Variants in IFT140 observed in about 807,000 individuals in gnomAD.
IFT140 encodes intraflagellar transport 140.
A neutral mutation model predicts 164.6 loss-of-function variants in IFT140; 133 were observed. The ratio of observed to expected loss-of-function variants is 0.81; its 90% CI spans 0.70 to 0.93. The LOEUF (loss-of-function observed/expected upper bound fraction) is 0.93, where lower values mean the gene tolerates loss of function less well. IFT140 is among the 40% of genes least tolerant of loss of function. IFT140 has a pLI of 0.00. For missense variants in IFT140, 2,045 were observed against 1,972.3 expected (o/e 1.04, Z -0.70); for synonymous variants, 860 against 817.3 (o/e 1.05, Z -0.89).
At position 1,527,815 on chromosome 16, in the gene IFT140, C is replaced by T. The variant is rs568495078; in HGVS notation, c.2400-1019G>A. ...CTCGAACTTCTGAGCTCAAGTGATC[C>T]ACCTGCCTTGGCCTCCCACACTGCT... On this transcript the variant is annotated intron_variant, in intron 19 of 30. Transcript: ENST00000426508. Among the ~76,000 whole-genome samples the T allele has an allele frequency of 4.8e-3, 731 of 152,336 alleles. 6 individuals carry two copies. Among genetic ancestry groups the T allele is most frequent in the African/African-American group, 0.016 (678 of 41,580 alleles).
At chr16:1,585,567 T>C (rs527361111) in intron 10 of IFT140, among the ~76,000 whole-genome samples, 2 of 152,198 alleles carry the variant, frequency 1.3e-5, no homozygotes, top group Non-Finnish European at 2.9e-5. Flanking sequence ...CTCTTTTTCA[T>C]ACAGATAGAG....
chr16:1,585,889 G>A (rs1283109848), intron 10 of IFT140, among the ~76,000 whole-genome samples: 2 of 150,588 alleles, frequency 1.3e-5, no homozygotes, highest in Non-Finnish European at 2.9e-5. Context: ...TCCTGCCGCA[G>A]CCTCCTGAGT....
At chr16:1,597,039 G>A (rs1596449591) in intron 4 of IFT140, among the ~76,000 whole-genome samples, 1 of 152,214 alleles carries the variant, frequency 6.6e-6, no homozygotes, top group Non-Finnish European at 1.5e-5. Flanking sequence ...GCGTGCGCTG[G>A]ATGAGCGTCT....
At chr16:1,591,586 G>A (rs1432788793) in intron 6 of IFT140, among the ~76,000 whole-genome samples, 1 of 152,168 alleles carries the variant, frequency 6.6e-6, no homozygotes, top group Admixed American at 6.5e-5. Context: ...GTGTCACATG[G>A]CTGTAAGAGA....
In IFT140 at chr16:1,531,797, A is replaced by C. The variant is rs1292715076; in HGVS notation, c.2400-5001T>G. On this transcript the variant is annotated intron_variant, in intron 19 of 30. Transcript: ENST00000426508. This position sits in a 1 kb window ranked among gnomAD's most constrained non-coding sequence, Gnocchi z 4.7. ...CCGATGCTGGCCTCTGCGAACCAGG[A>C]CTTCTGGGGGTGCTGCCGCTGTGTA... 6.6e-6 allele frequency: 1 copy of C among 152,104 alleles called. No homozygotes were observed. Among genetic ancestry groups the C allele is most frequent in the African/African-American group, 2.4e-5 (1 of 41,370 alleles). The allele number at this position is 152,104 out of a possible 1,614,324, so 9.4% of individuals were successfully genotyped here. A position where few individuals can be genotyped will look rare whatever the true frequency, so the allele number is the denominator to read the frequency against.
chr16:1,536,245 G>A (rs1424655101), intron 19 of IFT140, among the ~76,000 whole-genome samples: 2 of 152,204 alleles, frequency 1.3e-5, no homozygotes, highest in African/African-American at 2.4e-5. Context: ...TACCTCTTGC[G>A]TTCCTCCAGT....
intron 25 of IFT140, 62 bp from the exon 26 acceptor site, chr16:1,523,762 C>T (rs2040591776): frequency 1.4e-5 from 22 of 1,605,828 alleles, no homozygotes; most frequent in Non-Finnish European, 1.2e-5. Context: ...ACGGAGGCCT[C>T]GCACAGGCAA....
chr16:1,518,080 C>T, intron 30 of IFT140, 136 bp downstream of exon 30: 2 of 804,892 alleles, frequency 2.5e-6, no homozygotes, highest in Non-Finnish European at 3.8e-6. Context: ...TCAAGTCATT[C>T]TCCTGCCTCA....
At chr16:1,540,889 A>G (rs1454135577) in intron 19 of IFT140, 1 of 985,336 alleles carries the variant, frequency 1.0e-6, no homozygotes, top group Non-Finnish European at 1.2e-6. Context: ...CTTCACATGC[A>G]GTCCCTGACT....
At chr16:1,597,424 G>C (rs2035521276) in intron 4 of IFT140, among the ~76,000 whole-genome samples, 4 of 152,170 alleles carry the variant, frequency 2.6e-5, no homozygotes, top group Admixed American at 2.6e-4. Flanking sequence ...TCCTAACCTG[G>C]CCGTGCTCTC....
chr16:1,580,474 C>A (rs2034498738), intron 13 of IFT140: 1 of 311,756 alleles, frequency 3.2e-6, no homozygotes, highest in South Asian at 3.6e-5. Flanking sequence ...TTCGCTCTCT[C>A]TTCCTCCTGC....
At chr16:1,537,492 C>T (rs968983298) in intron 19 of IFT140, among the ~76,000 whole-genome samples, 9 of 152,358 alleles carry the variant, frequency 5.9e-5, no homozygotes, top group South Asian at 4.1e-4. Context: ...CAGAGGAGCC[C>T]GGTCTCGACT....
chr16:1,556,961 C>T (rs1285462158), intron 19 of IFT140, among the ~76,000 whole-genome samples: 2 of 152,070 alleles, frequency 1.3e-5, no homozygotes, highest in African/African-American at 4.8e-5. Context: ...AGGAACGCAC[C>T]ACAACTGCCT....
At chr16:1,552,383 G>A (rs1407544685) in intron 19 of IFT140, among the ~76,000 whole-genome samples, 1 of 151,690 alleles carries the variant, frequency 6.6e-6, no homozygotes, top group Non-Finnish European at 1.5e-5. Context: ...TGAGCTCTCC[G>A]CTGTGCCTGC....
intron 13 of IFT140, 29 bp from the exon 14 acceptor site, chr16:1,571,563 A>G: frequency 6.2e-7 from 1 of 1,600,092 alleles, no homozygotes; most frequent in Non-Finnish European, 8.5e-7. Context: ...AAATGGATAT[A>G]TTTCATGTTA....
chr16:1,513,818 C>CAT (rs1375610706), intron 30 of IFT140, among the ~76,000 whole-genome samples: 4 of 149,692 alleles, frequency 2.7e-5, no homozygotes, highest in Admixed American at 2.0e-4. Flanking sequence ...GGACTACAGG[C>CAT]GCCCACCACC....
intron 2 of IFT140, among the ~76,000 whole-genome samples, chr16:1,608,573 C>T (rs1229684758): frequency 7.5e-6 from 1 of 133,244 alleles, no homozygotes; most frequent in African/African-American, 2.8e-5. Context: ...GCAGAGGTTG[C>T]GGTAAGCTGA....
chr16:1,596,650 G>C (rs2035479558), intron 4 of IFT140, among the ~76,000 whole-genome samples: 1 of 152,188 alleles, frequency 6.6e-6, no homozygotes. Context: ...CAGGGGAAAG[G>C]AAATCACAGG....
At chr16:1,592,633 AGCG>A in intron 4 of IFT140, 45 bp from the exon 5 acceptor site, 2 of 1,582,300 alleles carry the variant, frequency 1.3e-6, no homozygotes, top group South Asian at 1.1e-5. Flanking sequence ...GTCCCGGCAG[AGCG>A]ACTGGTGGAG....
Sources: gnomAD v4.1 joint callset for allele counts (sites outside exome capture counted in the v4.1 genomes callset) on GRCh38, gnomAD v4.1.1 for gene constraint, Gnocchi (gnomAD v3.1) non-coding constraint, MANE v1.5 for transcripts, NCBI Gene and HGNC (gene_info 2026-07-23, HGNC 2026-07-21) for gene names.